RALA: variants seen among roughly 807,000 people sequenced by gnomAD.
RALA encodes ras-related protein Ral-A.
A neutral mutation model predicts 24.0 loss-of-function variants in RALA; 5 were observed. That is an observed-to-expected ratio of 0.21 (90% CI 0.11 to 0.44). The LOEUF (loss-of-function observed/expected upper bound fraction) is 0.44. Ranked by LOEUF, RALA falls within the 20% of genes least tolerant of loss-of-function variation. The probability of loss-of-function intolerance (pLI) is 0.99; values close to 1 mark genes in which losing one functional copy is unlikely to be tolerated. For missense variants in RALA, 95 were observed against 241.2 expected, an observed-to-expected ratio of 0.39 and a Z score of 4.01; for synonymous variants, 77 against 83.8, an observed-to-expected ratio of 0.92 and a Z score of 0.44.
At chr7:39,697,092 T>C (rs1368682169) in intron 4 of RALA, among the ~76,000 whole-genome samples, 1 of 152,232 alleles carries the variant, frequency 6.6e-6, no homozygotes, top group Non-Finnish European at 1.5e-5. Context: ...TTTTTTTCTT[T>C]TTAAAGCACT....
At chr7:39,676,107 CTGGGACTACAG>C (rs1166211381) in intron 1 of RALA, among the ~76,000 whole-genome samples, 2 of 152,088 alleles carry the variant, frequency 1.3e-5, no homozygotes, top group Non-Finnish European at 2.9e-5. Context: ...TCCCGAGTAG[CTGGGACTACAG>C]GCGCCCACCA....
intron 1 of RALA, among the ~76,000 whole-genome samples, chr7:39,656,996 C>T (rs2115984125): frequency 6.6e-6 from 1 of 152,138 alleles, no homozygotes; most frequent in East Asian, 1.9e-4. Context: ...GAGACGGAGT[C>T]TTGCTCGGTC....
chr7:39,656,850 T>C (rs1259395475), intron 1 of RALA, among the ~76,000 whole-genome samples: 3 of 152,232 alleles, frequency 2.0e-5, no homozygotes, highest in African/African-American at 4.8e-5. Context: ...TCAGAAGTCA[T>C]TGGGGAGTTT....
intron 1 of RALA, among the ~76,000 whole-genome samples, chr7:39,637,252 C>T (rs771754284): frequency 6.6e-6 from 1 of 152,094 alleles, no homozygotes; most frequent in Non-Finnish European, 1.5e-5. Flanking sequence ...ATATTTCTGT[C>T]CCTATTAACA....
At chr7:39,672,683 T>C (rs1229772081) in intron 1 of RALA, among the ~76,000 whole-genome samples, 1 of 146,642 alleles carries the variant, frequency 6.8e-6, no homozygotes, top group African/African-American at 2.5e-5. Context: ...CACTGATACA[T>C]GCAACAATAT....
chr7:39,632,271 T>C (rs775656631), intron 1 of RALA, among the ~76,000 whole-genome samples: 5 of 152,238 alleles, frequency 3.3e-5, no homozygotes, highest in Non-Finnish European at 7.3e-5. Context: ...TATTGTGTCA[T>C]CTGTAAATAG....
intron 1 of RALA, among the ~76,000 whole-genome samples, chr7:39,650,853 TAG>T (rs1376524180): frequency 6.6e-6 from 1 of 152,240 alleles, no homozygotes; most frequent in Non-Finnish European, 1.5e-5. Flanking sequence ...TGGCTGGGTC[TAG>T]AGAGTCGGCT....
chr7:39,681,144 T>C (rs1034771), intron 1 of RALA, among the ~76,000 whole-genome samples: 140,702 of 151,900 alleles, frequency 0.93, 65,336 homozygotes, highest in African/African-American at 0.98. Context: ...GGATGATTGT[T>C]ATGCAGACAT....
intron 1 of RALA, among the ~76,000 whole-genome samples, chr7:39,665,215 C>T (rs1792262334): frequency 6.6e-6 from 1 of 151,994 alleles, no homozygotes; most frequent in Non-Finnish European, 1.5e-5. Flanking sequence ...CCTCTTCCTC[C>T]TCCTCTTCAG....
intron 3 of RALA, among the ~76,000 whole-genome samples, chr7:39,691,275 T>G (rs1792813995): frequency 1.3e-5 from 2 of 152,220 alleles, no homozygotes; most frequent in Admixed American, 1.3e-4. Flanking sequence ...TCTTGCGTGG[T>G]CTTGCAAATA....
chr7:39,672,123 A>G (rs1423229221), intron 1 of RALA, among the ~76,000 whole-genome samples: 1 of 152,226 alleles, frequency 6.6e-6, no homozygotes, highest in Non-Finnish European at 1.5e-5. Flanking sequence ...ATATGTCAAG[A>G]AAATGAAAAG....
In RALA at chr7:39,707,599, C is replaced by G. The variant is rs912339800; in HGVS notation, c.*1354C>G. ...TTTCAGTGGGAAATATGCCACTGAC[C>G]GATTTTTTTTTTTTCCTCTTTGCAG... On this transcript the variant is annotated 3_prime_UTR_variant, in exon 5 of 5. Transcript: ENST00000005257. 2.3e-5 allele frequency: 3 copies of G among 131,804 alleles called. No homozygotes were observed. Among genetic ancestry groups the G allele is most frequent in the Non-Finnish European group, 5.4e-5 (3 of 55,454 alleles). 8.2% of individuals were successfully genotyped at this position (131,804 alleles called of 1,614,324 possible). A position where few individuals can be genotyped will look rare whatever the true frequency, so the allele number is the denominator to read the frequency against.
intron 4 of RALA, among the ~76,000 whole-genome samples, chr7:39,704,159 C>CAAAAA (rs796540060): frequency 8.5e-6 from 1 of 116,996 alleles, no homozygotes; most frequent in Non-Finnish European, 1.7e-5. Flanking sequence ...GAGACTCTCT[C>CAAAAA]AAAAAAAAAA....
At chr7:39,703,408 GTT>G (rs1249853740) in intron 4 of RALA, 1 of 152,180 alleles carries the variant, frequency 6.6e-6, no homozygotes. Flanking sequence ...GTGGGTGTGT[GTT>G]TTATACTTTT....
chr7:39,689,028 C>T (rs979170280), intron 2 of RALA, among the ~76,000 whole-genome samples: 1 of 152,154 alleles, frequency 6.6e-6, no homozygotes, highest in African/African-American at 2.4e-5. Flanking sequence ...TAAAAACCAT[C>T]AGATCTCGTG....
At chr7:39,682,330 A>AC (rs1231422971) in intron 1 of RALA, among the ~76,000 whole-genome samples, 2 of 152,108 alleles carry the variant, frequency 1.3e-5, no homozygotes, top group African/African-American at 4.8e-5. Context: ...CTGCTGCTGT[A>AC]CCCCAAGCCT....
At chr7:39,630,058 CAG>C (rs1791565685) in intron 1 of RALA, among the ~76,000 whole-genome samples, 1 of 151,642 alleles carries the variant, frequency 6.6e-6, no homozygotes, top group Non-Finnish European at 1.5e-5. Flanking sequence ...TTTTTTGAGA[CAG>C]AGTCTTGCTG....
At position 39,690,274 on chromosome 7, in the gene RALA, A is replaced by G. The variant is rs1250430879; in HGVS notation, c.115-108A>G. 3 of 882,320 alleles carry G rather than the reference A, an allele frequency of 3.4e-6. No individual in the cohort carries two copies. In the African/African-American group the frequency reaches 5.1e-5, roughly 15 times the overall value. The allele number at this position is 882,320 out of a possible 1,614,324, so 54.7% of individuals were successfully genotyped here. A position where few individuals can be genotyped will look rare whatever the true frequency, so the allele number is the denominator to read the frequency against. On this transcript the variant is annotated intron_variant, in intron 2 of 4. Transcript: ENST00000005257. ...GGAGGAATCTGGGCAAAGGGTATAC[A>G]GAACTCTTCTTGTACTATTTTGGCA...
chr7:39,702,371 T>C (rs1793044716), intron 4 of RALA, among the ~76,000 whole-genome samples: 1 of 152,196 alleles, frequency 6.6e-6, no homozygotes, highest in Non-Finnish European at 1.5e-5. Context: ...TGTGTATATA[T>C]ATACACACAC....
Sources: gnomAD v4.1 joint callset for allele counts (sites outside exome capture counted in the v4.1 genomes callset) on GRCh38, gnomAD v4.1.1 for gene constraint, MANE v1.5 for transcripts, NCBI Gene and HGNC (gene_info 2026-07-23, HGNC 2026-07-21) for gene names.